Variants in PTPRM observed in about 807,000 individuals in gnomAD.
PTPRM encodes the protein protein tyrosine phosphatase receptor type M.
In PTPRM, 47 loss-of-function variants were observed where a neutral mutation model predicts 186.7. That is an observed-to-expected ratio of 0.25 (90% CI 0.20 to 0.32). The LOEUF (loss-of-function observed/expected upper bound fraction) is 0.32. Ranked by LOEUF, PTPRM falls within the 10% of genes least tolerant of loss-of-function variation. The pLI, the probability that PTPRM is intolerant of heterozygous loss-of-function variation, is 1.00. For synonymous variants in PTPRM, 668 were observed against 674.9 expected, an observed-to-expected ratio of 0.99 and a Z score of 0.16; for missense variants, 1,494 against 1,865.0, an observed-to-expected ratio of 0.80 and a Z score of 3.66.
chr18:7,978,547 A>C (rs1024823417), intron 7 of PTPRM, among the ~76,000 whole-genome samples: 8 of 152,344 alleles, frequency 5.3e-5, no homozygotes, highest in African/African-American at 1.7e-4. Flanking sequence ...TTTGTCTGCA[A>C]GTAAGCTCTT....
chr18:7,849,813 A>T (rs914608285), intron 2 of PTPRM, among the ~76,000 whole-genome samples: 60 of 152,326 alleles, frequency 3.9e-4, no homozygotes, highest in African/African-American at 1.3e-3. Flanking sequence ...ACCAGAAGTG[A>T]GCAACTCCAG....
At chr18:7,644,476 T>C (rs2038515304) in intron 1 of PTPRM, among the ~76,000 whole-genome samples, 1 of 152,172 alleles carries the variant, frequency 6.6e-6, no homozygotes, top group South Asian at 2.1e-4. Context: ...TTCATCTATG[T>C]AGAAGGGTCA....
At chr18:8,116,514 C>T (rs1384434266) in intron 13 of PTPRM, among the ~76,000 whole-genome samples, 1 of 152,218 alleles carries the variant, frequency 6.6e-6, no homozygotes, top group Non-Finnish European at 1.5e-5. Context: ...CACCATTGCT[C>T]ATGGCTCGTC....
chr18:7,996,523 A>G (rs189692126), intron 7 of PTPRM, among the ~76,000 whole-genome samples: 6 of 152,270 alleles, frequency 3.9e-5, no homozygotes, highest in African/African-American at 9.6e-5. Context: ...CAACATAGTA[A>G]TGGAAGTCAT....
chr18:7,994,805 A>G (rs1339514475), intron 7 of PTPRM, among the ~76,000 whole-genome samples: 2 of 152,120 alleles, frequency 1.3e-5, no homozygotes, highest in Admixed American at 1.3e-4. Flanking sequence ...ACCAAAACCT[A>G]TAGGATTTCA....
chr18:7,830,106 A>G (rs1446478065), intron 2 of PTPRM, among the ~76,000 whole-genome samples: 1 of 152,204 alleles, frequency 6.6e-6, no homozygotes, highest in Non-Finnish European at 1.5e-5. Context: ...TTAATATAAC[A>G]GAATGTAGTA....
rs1600210446 is a variant in PTPRM at position 8,040,169 on chromosome 18, T to C, written c.1133-29517T>C. Among the ~76,000 whole-genome samples, 3 of 152,296 alleles carry C rather than the reference T, an allele frequency of 2.0e-5. No individual in the cohort carries two copies. The South Asian group carries it at 6.2e-4, about 32-fold the overall frequency. ...TCTGGGTGTGTTGTGTTTGAGCATG[T>C]GGAGGGTAAAGAAGTTCTGGCTGGC... On this transcript the variant is annotated intron_variant, in intron 7 of 32. Transcript: ENST00000580170.
rs185165363 is a variant in PTPRM, at chr18:8,201,948, C to T, written c.2301-42110C>T. 1.1e-4 allele frequency among the ~76,000 whole-genome samples: 16 copies of T among 152,306 alleles called. No homozygotes were observed. The East Asian group carries it at 2.5e-3, about 24-fold the overall frequency. ...TTTGATGTGTTTTGCTGTTTAAAGGCGTGGTGAACCCTTGACAGAAACATT... is the reference window on the plus strand; with the variant it reads ...TTTGATGTGTTTTGCTGTTTAAAGGTGTGGTGAACCCTTGACAGAAACATT... On this transcript the variant is annotated intron_variant, in intron 14 of 32. Coordinates refer to ENST00000580170, the MANE Select transcript of PTPRM (RefSeq NM_001105244.2).
At chr18:8,238,873 G>A (rs2094382345) in intron 14 of PTPRM, among the ~76,000 whole-genome samples, 1 of 151,382 alleles carries the variant, frequency 6.6e-6, no homozygotes, top group Non-Finnish European at 1.5e-5. Context: ...CCCACCGTTA[G>A]TTGGGATAGG....
chr18:7,761,979 T>C (rs2041797724), intron 1 of PTPRM, among the ~76,000 whole-genome samples: 1 of 152,210 alleles, frequency 6.6e-6, no homozygotes, highest in African/African-American at 2.4e-5. Context: ...TAAACAGTTT[T>C]TATTCTTACC....
intron 8 of PTPRM, among the ~76,000 whole-genome samples, chr18:8,072,848 C>T (rs1386345059): frequency 1.3e-5 from 2 of 151,524 alleles, no homozygotes; most frequent in Non-Finnish European, 2.9e-5. Flanking sequence ...AGGTACTAGA[C>T]CTAAGTTACT....
At chr18:7,805,915 C>T (rs1022731235) in intron 2 of PTPRM, among the ~76,000 whole-genome samples, 2 of 152,174 alleles carry the variant, frequency 1.3e-5, no homozygotes, top group African/African-American at 2.4e-5. Context: ...TTTAAGAATA[C>T]GTACTCAAGC....
chr18:7,805,028 G>A (rs1387656299), intron 2 of PTPRM, among the ~76,000 whole-genome samples: 1 of 152,314 alleles, frequency 6.6e-6, no homozygotes, highest in African/African-American at 2.4e-5. Context: ...ATATTCGAGT[G>A]TGGTTATTTC....
At chr18:7,974,215 C>G (rs1387926250) in intron 7 of PTPRM, among the ~76,000 whole-genome samples, 1 of 152,158 alleles carries the variant, frequency 6.6e-6, no homozygotes, top group Non-Finnish European at 1.5e-5. Context: ...TTTGTTTATT[C>G]ATTTATTGAT....
intron 1 of PTPRM, among the ~76,000 whole-genome samples, chr18:7,680,251 T>C (rs2039449911): frequency 6.6e-6 from 1 of 152,098 alleles, no homozygotes; most frequent in Non-Finnish European, 1.5e-5. Flanking sequence ...AGGGATGAAA[T>C]GTGATGGAGG....
intron 3 of PTPRM, among the ~76,000 whole-genome samples, chr18:7,905,153 C>T (rs917943470): frequency 2.4e-4 from 36 of 152,118 alleles, no homozygotes; most frequent in African/African-American, 8.5e-4. Flanking sequence ...GCCACCACGT[C>T]CACCTAATTT....
intron 9 of PTPRM, among the ~76,000 whole-genome samples, chr18:8,079,880 G>C (rs2090033213): frequency 6.6e-6 from 1 of 152,034 alleles, no homozygotes; most frequent in Non-Finnish European, 1.5e-5. Flanking sequence ...AGCACTTACA[G>C]CAGTCAACAG....
chr18:7,649,315 C>G (rs918835840), intron 1 of PTPRM, among the ~76,000 whole-genome samples: 4 of 152,152 alleles, frequency 2.6e-5, no homozygotes, highest in Non-Finnish European at 4.4e-5. Flanking sequence ...GCTTTCATGC[C>G]TGCTAACACA....
intron 1 of PTPRM, among the ~76,000 whole-genome samples, chr18:7,571,722 G>A (rs1413811559): frequency 6.6e-6 from 1 of 152,150 alleles, no homozygotes; most frequent in Non-Finnish European, 1.5e-5. Flanking sequence ...GCTGAAATCT[G>A]AATAAAGCCT....
Sources: gnomAD v4.1 joint callset for allele counts (sites outside exome capture counted in the v4.1 genomes callset) on GRCh38, gnomAD v4.1.1 for gene constraint, MANE v1.5 for transcripts, NCBI Gene and HGNC (gene_info 2026-07-23, HGNC 2026-07-21) for gene names.